Variants in MICALL1 observed in about 807,000 individuals in gnomAD.
MICALL1 encodes MICAL-like protein 1.
In MICALL1, 61 loss-of-function variants were observed where a neutral mutation model predicts 83.7. That is an observed-to-expected ratio of 0.73 (90% CI 0.59 to 0.90). MICALL1 has a LOEUF of 0.90. MICALL1 is among the 40% of genes least tolerant of loss of function. MICALL1 has a pLI of 0.00. For synonymous variants in MICALL1, 481 were observed against 473.6 expected, an observed-to-expected ratio of 1.02 and a Z score of -0.20; for missense variants, 1,066 against 1,152.0, an observed-to-expected ratio of 0.93 and a Z score of 1.08.
Position 37,927,733 on chromosome 22 carries a change from C to T in MICALL1, c.1788C>T (p.Pro596=). The T allele has an allele frequency of 6.2e-7, 1 of 1,614,006 alleles. No homozygotes were observed. The highest frequency in any genetic ancestry group is 1.1e-5 in the South Asian group (1 of 91,080). ...RGSSGPQPAK[P]CSGATPTPLL... is the part of the protein sequence containing the mutation. ...GCTCAGGTCCCCAGCCAGCCAAGCC[C>T]TGCAGTGGCGCCACCCCAACGCCTC... The change falls in exon 9 of 16, where the codon CCC becomes CCT. Residue 596 remains proline, a synonymous_variant. Transcript: ENST00000215957.
intron 5 of MICALL1, among the ~76,000 whole-genome samples, chr22:37,921,538 A>T (rs779255938): frequency 6.6e-6 from 1 of 152,174 alleles, no homozygotes; most frequent in Non-Finnish European, 1.5e-5. Flanking sequence ...GCACCATTGC[A>T]CTCCAGCCTG....
At chr22:37,913,928 T>C (rs1469018809) in intron 3 of MICALL1, among the ~76,000 whole-genome samples, 2 of 148,970 alleles carry the variant, frequency 1.3e-5, no homozygotes, top group East Asian at 3.9e-4. Flanking sequence ...TAGGCTGGAG[T>C]GCGATGGCGC....
At chr22:37,931,751 C>G in intron 9 of MICALL1, 48 bp from the exon 10 acceptor site, 2 of 1,609,880 alleles carry the variant, frequency 1.2e-6, no homozygotes, top group Non-Finnish European at 8.5e-7. Context: ...TGGGGTCTCA[C>G]GTGCCCTCTT....
In MICALL1 at chr22:37,922,796, G is replaced by GTT. The variant is rs574266914; in HGVS notation, c.1024+390_1024+391dup. Among the ~76,000 whole-genome samples, 486 of 69,172 alleles carry GTT rather than the reference G, an allele frequency of 7.0e-3. 9 individuals are homozygous for GTT. Among genetic ancestry groups the GTT allele is most frequent in the African/African-American group, 0.027 (457 of 17,140 alleles). 45.4% of individuals were successfully genotyped at this position (69,172 alleles called of 152,430 possible). A position where few individuals can be genotyped will look rare whatever the true frequency, so the allele number is the denominator to read the frequency against. On this transcript the variant is annotated intron_variant, in intron 6 of 15. Coordinates refer to ENST00000215957, the MANE Select transcript of MICALL1 (RefSeq NM_033386.4). The stretch of plus-strand genomic sequence containing the variant: ...AGCTAATTTTGTTTTGTTTTTTTTT[G>GTT]TTTTTTTTTTTTTTTTTTTTTAGTA...
intron 1 of MICALL1, among the ~76,000 whole-genome samples, chr22:37,911,239 C>T (rs1245239792): frequency 1.3e-5 from 2 of 152,252 alleles, no homozygotes; most frequent in Non-Finnish European, 2.9e-5. Flanking sequence ...GTGGGGCCAA[C>T]CAGCTGTTCT....
At chr22:37,927,082 CA>C (rs1321595131) in intron 8 of MICALL1, 1 of 359,812 alleles carries the variant, frequency 2.8e-6, no homozygotes. Context: ...CACTGCAGAT[CA>C]GGGGCAGAGG....
intron 9 of MICALL1, among the ~76,000 whole-genome samples, chr22:37,928,038 C>T (rs1929577967): frequency 6.6e-6 from 1 of 151,728 alleles, no homozygotes; most frequent in Admixed American, 6.6e-5. Flanking sequence ...CCCCAAGTAG[C>T]TGGTACTACA....
At chr22:37,921,669 CA>C (rs1929040097) in intron 5 of MICALL1, among the ~76,000 whole-genome samples, 1 of 152,236 alleles carries the variant, frequency 6.6e-6, no homozygotes, top group Non-Finnish European at 1.5e-5. Flanking sequence ...CTACTGGATG[CA>C]GCCACTCACT....
chr22:37,931,830 A>G lies in MICALL1; in HGVS notation c.1913A>G (p.Lys638Arg), dbSNP rs1929803365. ...SSCKENPFNRKPSPAASPATK... is the reference protein window; with the variant it reads ...SSCKENPFNRRPSPAASPATK... ...TGCAAGGAGAATCCTTTTAACCGGA[A>G]GCCATCACCTGCAGCGTCCCCAGCC... is the stretch of plus-strand genomic sequence containing the variant. The change falls in exon 10 of 16, where the codon AAG becomes AGG. Residue 638 changes from lysine (K) to arginine (R), a missense_variant. By Grantham distance (26) the Lys-to-Arg change is conservative. Coordinates refer to ENST00000215957, the MANE Select transcript of MICALL1 (RefSeq NM_033386.4). 6.2e-7 allele frequency: 1 copy of G among 1,614,052 alleles called. No homozygotes were observed. The highest frequency in any genetic ancestry group is 1.3e-5 in the African/African-American group (1 of 75,008).
rs116476436 is a variant in MICALL1 at position 37,930,337 on chromosome 22, C to A, written c.1882-1462C>A. Among the ~76,000 whole-genome samples, 1,821 of 152,240 alleles carry A rather than the reference C, an allele frequency of 0.012. 39 individuals are homozygous for A. Among genetic ancestry groups the A allele is most frequent in the African/African-American group, 0.042 (1,735 of 41,534 alleles). ...CAGAGGCAGTGGGGGCCTTGGGGTGCCACCCTGGGTCATTGGGTGGGTGCT... is the reference window on the plus strand; with the variant it reads ...CAGAGGCAGTGGGGGCCTTGGGGTGACACCCTGGGTCATTGGGTGGGTGCT... On this transcript the variant is annotated intron_variant, in intron 9 of 15. Coordinates refer to ENST00000215957, the MANE Select transcript of MICALL1 (RefSeq NM_033386.4). This position sits in a 1 kb window ranked among gnomAD's most constrained non-coding sequence, Gnocchi z 4.8.
At chr22:37,916,814 C>T (rs896580692) in intron 3 of MICALL1, among the ~76,000 whole-genome samples, 2 of 152,120 alleles carry the variant, frequency 1.3e-5, no homozygotes, top group Admixed American at 1.3e-4. Context: ...CTTCTAAGGG[C>T]CTCTCCCCAG....
rs372411343 is a variant in MICALL1 at position 37,932,900 on chromosome 22, C to G, written c.2234+12C>G. The G allele has an allele frequency of 3.7e-6, 6 of 1,613,942 alleles. No individual in the cohort carries two copies. The highest frequency in any genetic ancestry group is 5.1e-6 in the Non-Finnish European group (6 of 1,179,862). Reference sequence around the variant, plus strand: ...GAGCTCATCTATGTGTGAGTCCCCCCGCCTGGGGCATCCCTCCCTGGAATC... The same window carrying G: ...GAGCTCATCTATGTGTGAGTCCCCCGGCCTGGGGCATCCCTCCCTGGAATC... On this transcript the variant is annotated intron_variant, in intron 12 of 15. Transcript: ENST00000215957. The surrounding 1 kb of genome is among the most constrained non-coding windows in gnomAD (Gnocchi z 4.4).
chr22:37,910,357 G>A (rs1472583927), intron 1 of MICALL1, among the ~76,000 whole-genome samples: 1 of 152,086 alleles, frequency 6.6e-6, no homozygotes, highest in Non-Finnish European at 1.5e-5. Context: ...TGGGGTGACC[G>A]AAATAAACGG....
In MICALL1 at chr22:37,906,358, C is replaced by T. The variant is rs1363420522; in HGVS notation, c.-65C>T. On this transcript the variant is annotated 5_prime_UTR_variant, in exon 1 of 16. Transcript: ENST00000215957. This position sits in a 1 kb window ranked among gnomAD's most constrained non-coding sequence, Gnocchi z 4.4. ...GCAGCCGGAAACCGGGCCCGCGCGG[C>T]GGCCGCCGTCCCGGCCAAGCCGGGG... 7.0e-6 allele frequency: 7 copies of T among 1,001,092 alleles called. No individual in the cohort carries two copies. The highest frequency in any genetic ancestry group is 3.5e-5 in the African/African-American group (2 of 56,992). The allele number at this position is 1,001,092 out of a possible 1,614,324, so 62.0% of individuals were successfully genotyped here. A position where few individuals can be genotyped will look rare whatever the true frequency, so the allele number is the denominator to read the frequency against.
At chr22:37,927,377 C>T (rs1187153737) in intron 8 of MICALL1, 34 bp from the exon 9 acceptor site, 2 of 1,525,534 alleles carry the variant, frequency 1.3e-6, no homozygotes, top group Middle Eastern at 2.3e-4. Flanking sequence ...TGTGGTGCTC[C>T]CCTTGTGAGG....
chr22:37,930,480 C>T lies in MICALL1; in HGVS notation c.1882-1319C>T, dbSNP rs1271476818. ...CCGAGAGCCTCTCTCCCTGGGCTGG[C>T]ACAGGCCTCCACCTGCTCCGCAGCT... On this transcript the variant is annotated intron_variant, in intron 9 of 15. Coordinates refer to ENST00000215957, the MANE Select transcript of MICALL1 (RefSeq NM_033386.4). The surrounding 1 kb of genome is among the most constrained non-coding windows in gnomAD (Gnocchi z 4.8). Among the ~76,000 whole-genome samples the T allele has an allele frequency of 6.6e-6, 1 of 152,238 alleles. No individual in the cohort carries two copies. Among genetic ancestry groups the T allele is most frequent in the African/African-American group, 2.4e-5 (1 of 41,468 alleles).
chr22:37,929,103 G>C (rs1014585791), intron 9 of MICALL1, among the ~76,000 whole-genome samples: 3 of 151,852 alleles, frequency 2.0e-5, no homozygotes, highest in African/African-American at 7.3e-5. Flanking sequence ...AACAGAATGA[G>C]ACTCTGTCTC....
chr22:37,913,672 C>G (rs965793231), intron 3 of MICALL1, among the ~76,000 whole-genome samples: 1 of 152,120 alleles, frequency 6.6e-6, no homozygotes, highest in Non-Finnish European at 1.5e-5. Context: ...GTAGCTGGGC[C>G]TCCCCTTCTG....
In MICALL1 at chr22:37,940,959, G is replaced by A. The variant is rs973440799; in HGVS notation, c.*129G>A. 1.7e-6 allele frequency: 2 copies of A among 1,188,878 alleles called. No homozygotes were observed. The highest frequency in any genetic ancestry group is 5.0e-5 in the Admixed American group (2 of 39,994). 73.6% of individuals were successfully genotyped at this position (1,188,878 alleles called of 1,614,324 possible). ...GATGACTAAGGGGAGGGATCCTCTG[G>A]GTGATGGCCTCTTCCTCCTCAGGGA... On this transcript the variant is annotated 3_prime_UTR_variant, in exon 16 of 16. Transcript: ENST00000215957.
Sources: allele counts gnomAD v4.1 joint callset (sites outside exome capture counted in the v4.1 genomes callset), GRCh38; gene constraint gnomAD v4.1.1; non-coding constraint Gnocchi (gnomAD v3.1); transcripts MANE v1.5; gene names NCBI Gene and HGNC (gene_info 2026-07-23, HGNC 2026-07-21).